The following KAZN variants were observed in gnomAD, a reference collection of about 807,000 sequenced individuals.
KAZN encodes the protein kazrin.
Under a neutral mutation model 87.4 loss-of-function variants are expected in KAZN, and 40 were observed. The observed-to-expected ratio is 0.46, with a 90% CI of 0.36 to 0.60. The LOEUF (loss-of-function observed/expected upper bound fraction) is 0.60, where lower values mean the gene tolerates loss of function less well. Ranked by LOEUF, KAZN falls within the 20% of genes least tolerant of loss-of-function variation. The probability of loss-of-function intolerance (pLI) is 0.00; values close to 1 mark genes in which losing one functional copy is unlikely to be tolerated. For missense variants in KAZN, 898 were observed against 1,073.9 expected, an observed-to-expected ratio of 0.84 and a Z score of 2.29; for synonymous variants, 466 against 458.3, an observed-to-expected ratio of 1.02 and a Z score of -0.22.
chr1:14,960,531 T>C (rs1341962325), intron 1 of KAZN, among the ~76,000 whole-genome samples, 153 bp from the exon 2 acceptor site: 1 of 152,112 alleles, frequency 6.6e-6, no homozygotes, highest in Non-Finnish European at 1.5e-5. Context: ...TGAGGCTCTT[T>C]GGAATAAGGC....
Position 14,250,379 on chromosome 1 carries a change from T to C in KAZN, c.249+69787T>C, listed in dbSNP as rs1428567204. On this transcript the variant is annotated intron_variant, in intron 2 of 16. Coordinates refer to the KAZN transcript ENST00000636203. ...AATCTCACCATCAACTTCGGGATTC[T>C]AAGACACATATATATGAGATCCGGG... 5.9e-5 allele frequency among the ~76,000 whole-genome samples: 9 copies of C among 151,948 alleles called. No individual in the cohort carries two copies. The East Asian group carries it at 1.7e-3, about 30-fold the overall frequency.
chr1:14,603,051 A>G (rs1476523658), intron 1 of KAZN, among the ~76,000 whole-genome samples: 2 of 152,198 alleles, frequency 1.3e-5, no homozygotes, highest in Non-Finnish European at 2.9e-5. Context: ...CTCATCTACC[A>G]TTACTACAAC....
chr1:14,913,438 G>A (rs1028319802), intron 1 of KAZN, among the ~76,000 whole-genome samples: 4 of 152,184 alleles, frequency 2.6e-5, no homozygotes, highest in African/African-American at 9.7e-5. Flanking sequence ...TCTGCCTCCC[G>A]AAACCAGTTC....
intron 1 of KAZN, among the ~76,000 whole-genome samples, chr1:14,658,976 C>T (rs10927486): frequency 5.3e-5 from 8 of 152,218 alleles, no homozygotes; most frequent in African/African-American, 1.2e-4. Context: ...GAATGGCTCA[C>T]GCCTGTAATC....
At chr1:14,096,955 C>A (rs909865186) in intron 1 of KAZN, among the ~76,000 whole-genome samples, 2 of 152,220 alleles carry the variant, frequency 1.3e-5, no homozygotes, top group African/African-American at 4.8e-5. Flanking sequence ...GCTTTTCTCA[C>A]GGAGATTCAG....
intron 1 of KAZN, among the ~76,000 whole-genome samples, chr1:13,911,237 C>T (rs138198196): frequency 6.8e-4 from 104 of 152,280 alleles, no homozygotes; most frequent in African/African-American, 2.2e-3. Context: ...ATGGTAGAGA[C>T]GGTGTTTCAC....
At chr1:14,455,166 G>A (rs1667497519) in intron 2 of KAZN, among the ~76,000 whole-genome samples, 1 of 152,220 alleles carries the variant, frequency 6.6e-6, no homozygotes, top group Non-Finnish European at 1.5e-5. Flanking sequence ...TGCATAAGGA[G>A]TGAATCTGAT....
chr1:13,956,680 A>G (rs1319672811), intron 1 of KAZN, among the ~76,000 whole-genome samples: 2 of 152,208 alleles, frequency 1.3e-5, no homozygotes, highest in Non-Finnish European at 2.9e-5. Context: ...GTGATTGTGC[A>G]TATGCTTGGA....
intron 2 of KAZN, among the ~76,000 whole-genome samples, chr1:14,540,158 T>C (rs892399964): frequency 6.6e-6 from 1 of 152,312 alleles, no homozygotes; most frequent in South Asian, 2.1e-4. Flanking sequence ...CCCAAGAGAC[T>C]TTCAGGGAAA....
intron 2 of KAZN, among the ~76,000 whole-genome samples, chr1:14,965,112 A>G (rs1025199854): frequency 4.6e-5 from 7 of 151,716 alleles, no homozygotes; most frequent in Non-Finnish European, 8.8e-5. Flanking sequence ...GCTCACTGCA[A>G]CCTCTGCCTC....
chr1:14,980,508 C>G (rs891579489), intron 2 of KAZN, among the ~76,000 whole-genome samples: 4 of 152,176 alleles, frequency 2.6e-5, no homozygotes, highest in African/African-American at 9.7e-5. Context: ...TGGGGCCCAC[C>G]TGCCCCCCTG....
rs748786847 is a variant in KAZN, at chr1:15,104,052, C to T, written c.1911C>T (p.Gly637=). 1.4e-5 allele frequency: 23 copies of T among 1,613,618 alleles called. No homozygotes were observed. The highest frequency in any genetic ancestry group is 1.8e-5 in the Non-Finnish European group (21 of 1,179,842). Residue 637 remains glycine, a synonymous_variant, in exon 13 of 15, where the codon GGC becomes GGT. Transcript: ENST00000376030. ...ACGCAGACAACCTGACCAACAGCGG[C>T]GTCCATGGTGCTGTGCTGGTGCTGG... ...KEYADNLTNS[G]VHGAVLVLEP... is the part of the protein sequence containing the mutation.
chr1:15,013,948 A>G (rs1669839792), intron 2 of KAZN, among the ~76,000 whole-genome samples: 1 of 152,092 alleles, frequency 6.6e-6, no homozygotes, highest in Non-Finnish European at 1.5e-5. Flanking sequence ...GTTGCTCTGC[A>G]GTTCGGAAAT....
At chr1:14,524,287 G>T (rs1671750784) in intron 2 of KAZN, among the ~76,000 whole-genome samples, 1 of 152,126 alleles carries the variant, frequency 6.6e-6, no homozygotes, top group African/African-American at 2.4e-5. Context: ...CTCCCGAAGT[G>T]CTGAGATTAT....
At chr1:14,092,299 G>T (rs542112224) in intron 1 of KAZN, among the ~76,000 whole-genome samples, 2 of 151,270 alleles carry the variant, frequency 1.3e-5, no homozygotes, top group South Asian at 4.2e-4. Flanking sequence ...CACTGTGTTA[G>T]CCAGGATGGT....
At chr1:14,717,136 A>G (rs545460574) in intron 1 of KAZN, among the ~76,000 whole-genome samples, 1 of 150,786 alleles carries the variant, frequency 6.6e-6, no homozygotes, top group African/African-American at 2.4e-5. Context: ...TTGGATGTGC[A>G]TGCTTGCAGC....
intron 1 of KAZN, among the ~76,000 whole-genome samples, chr1:14,163,326 G>A (rs1645751980): frequency 1.3e-5 from 2 of 152,150 alleles, no homozygotes; most frequent in Admixed American, 1.3e-4. Context: ...TTGACTTGAG[G>A]TTTTCATACA....
At chr1:14,246,260 G>A (rs560060965) in intron 2 of KAZN, among the ~76,000 whole-genome samples, 1 of 152,232 alleles carries the variant, frequency 6.6e-6, no homozygotes, top group South Asian at 2.1e-4. Flanking sequence ...GATGGGTGCA[G>A]CGGACCACCA....
intron 1 of KAZN, among the ~76,000 whole-genome samples, chr1:14,063,915 C>T (rs1642896563): frequency 6.6e-6 from 1 of 151,918 alleles, no homozygotes; most frequent in African/African-American, 2.4e-5. Context: ...GTGAGGCCTC[C>T]CCAGCCATGT....
Sources: allele counts gnomAD v4.1 joint callset (sites outside exome capture counted in the v4.1 genomes callset), GRCh38; gene constraint gnomAD v4.1.1; transcripts MANE v1.5; gene names NCBI Gene and HGNC (gene_info 2026-07-23, HGNC 2026-07-21).